Variants in TNNI3K observed in about 807,000 individuals in gnomAD.
TNNI3K encodes the protein serine/threonine-protein kinase TNNI3K.
A neutral mutation model predicts 114.5 loss-of-function variants in TNNI3K; 140 were observed. That is an observed-to-expected ratio of 1.22 (90% CI 1.07 to 1.41). TNNI3K has a LOEUF of 1.41. Among genes scored for constraint, TNNI3K ranks in the 40% most tolerant of loss-of-function variants. The pLI is 0.00. For synonymous variants in TNNI3K, 347 were observed against 347.5 expected (o/e 1.00, Z 0.02); for missense variants, 1,125 against 1,007.6 (o/e 1.12, Z -1.58).
intron 17 of TNNI3K, among the ~76,000 whole-genome samples, chr1:74,420,962 A>G (rs1291729865): frequency 6.6e-6 from 1 of 152,142 alleles, no homozygotes; most frequent in East Asian, 1.9e-4. Flanking sequence ...ATGAGTGAAA[A>G]ATCAGACCTT....
chr1:74,531,918 G>T (rs531165962), intron 23 of TNNI3K, among the ~76,000 whole-genome samples: 1 of 152,294 alleles, frequency 6.6e-6, no homozygotes, highest in East Asian at 1.9e-4. Flanking sequence ...GCCTTAAATG[G>T]TGTTGCCTTA....
chr1:74,482,009 C>T (rs1289651160), intron 21 of TNNI3K, among the ~76,000 whole-genome samples: 2 of 152,324 alleles, frequency 1.3e-5, no homozygotes, highest in Admixed American at 1.3e-4. Context: ...GAACTGTTCT[C>T]ATCCCTGCAG....
At chr1:74,381,008 A>G (rs2100548198) in intron 17 of TNNI3K, among the ~76,000 whole-genome samples, 1 of 152,288 alleles carries the variant, frequency 6.6e-6, no homozygotes, top group South Asian at 2.1e-4. Flanking sequence ...AGCTAGCTAT[A>G]CTTTGAATTT....
chr1:74,417,754 T>C (rs1038547691), intron 17 of TNNI3K, among the ~76,000 whole-genome samples: 2 of 145,098 alleles, frequency 1.4e-5, no homozygotes, highest in African/African-American at 5.2e-5. Flanking sequence ...GAGAGAGAGA[T>C]GAGAGAGAGA....
At chr1:74,305,105 A>G (rs935060719) in intron 5 of TNNI3K, among the ~76,000 whole-genome samples, 1 of 152,206 alleles carries the variant, frequency 6.6e-6, no homozygotes, top group Non-Finnish European at 1.5e-5. Context: ...GACTTTGAGT[A>G]AGAAAAAGAG....
At chr1:74,424,310 T>C (rs1665527972) in intron 17 of TNNI3K, among the ~76,000 whole-genome samples, 3 of 152,118 alleles carry the variant, frequency 2.0e-5, no homozygotes, top group Admixed American at 2.0e-4. Flanking sequence ...ATAGTTTACG[T>C]TGAAAAGGTT....
chr1:74,468,795 A>G (rs1667783835), intron 21 of TNNI3K, among the ~76,000 whole-genome samples: 1 of 152,104 alleles, frequency 6.6e-6, no homozygotes, highest in Non-Finnish European at 1.5e-5. Context: ...TTGTTCCCCT[A>G]CTAAAAAATG....
intron 20 of TNNI3K, among the ~76,000 whole-genome samples, chr1:74,441,238 T>C (rs1570623414): frequency 6.6e-6 from 1 of 152,212 alleles, no homozygotes; most frequent in Admixed American, 6.6e-5. Flanking sequence ...CTGTCTGGGA[T>C]CAATCCACTT....
At chr1:74,380,303 T>G (rs1663133979) in intron 17 of TNNI3K, among the ~76,000 whole-genome samples, 1 of 152,174 alleles carries the variant, frequency 6.6e-6, no homozygotes, top group Non-Finnish European at 1.5e-5. Flanking sequence ...TACTTTTTAT[T>G]TGCTATAAAA....
At chr1:74,396,100 C>T (rs1257338139) in intron 17 of TNNI3K, among the ~76,000 whole-genome samples, 1 of 152,144 alleles carries the variant, frequency 6.6e-6, no homozygotes, top group Non-Finnish European at 1.5e-5. Context: ...ATAGCCTTCT[C>T]TCAATGAAAA....
chr1:74,422,247 T>G (rs766437794), intron 17 of TNNI3K, among the ~76,000 whole-genome samples: 1 of 152,006 alleles, frequency 6.6e-6, no homozygotes, highest in Non-Finnish European at 1.5e-5. Context: ...GTATTTTTTA[T>G]CACTCTGTGA....
At chr1:74,485,315 C>T (rs1668699141) in intron 21 of TNNI3K, among the ~76,000 whole-genome samples, 1 of 152,282 alleles carries the variant, frequency 6.6e-6, no homozygotes, top group Non-Finnish European at 1.5e-5. Context: ...AAGAACAATG[C>T]CCTGCATGGG....
intron 2 of TNNI3K, among the ~76,000 whole-genome samples, chr1:74,236,796 C>T (rs1653884249): frequency 1.3e-5 from 2 of 151,728 alleles, no homozygotes; most frequent in Admixed American, 1.3e-4. Flanking sequence ...TTGGAAGACA[C>T]AAAATGTTCA....
chr1:74,394,017 A>G (rs1189483770), intron 17 of TNNI3K, among the ~76,000 whole-genome samples: 4 of 152,236 alleles, frequency 2.6e-5, no homozygotes, highest in Non-Finnish European at 5.9e-5. Flanking sequence ...TCATACAGCC[A>G]TGGGATAAAA....
At chr1:74,308,165 C>T (rs1658766922) in intron 5 of TNNI3K, among the ~76,000 whole-genome samples, 1 of 152,038 alleles carries the variant, frequency 6.6e-6, no homozygotes, top group South Asian at 2.1e-4. Context: ...ACCAAATGAA[C>T]CTAATAGACA....
intron 21 of TNNI3K, chr1:74,475,580 A>G: frequency 1.4e-6 from 1 of 717,338 alleles, no homozygotes; most frequent in South Asian, 1.5e-5. Context: ...TTTTCCTGTA[A>G]AAGTGGCATT....
chr1:74,381,377 A>G (rs1043276138), intron 17 of TNNI3K, among the ~76,000 whole-genome samples: 2 of 152,198 alleles, frequency 1.3e-5, no homozygotes, highest in Non-Finnish European at 2.9e-5. Flanking sequence ...GAGAAAATAC[A>G]TTAGCATTAT....
At chr1:74,409,269 G>A (rs1390667071) in intron 17 of TNNI3K, among the ~76,000 whole-genome samples, 1 of 151,990 alleles carries the variant, frequency 6.6e-6, no homozygotes, top group Non-Finnish European at 1.5e-5. Flanking sequence ...TAAAGACAGA[G>A]CCCAAACTCC....
At chr1:74,518,176 T>A (rs1169523002) in intron 23 of TNNI3K, among the ~76,000 whole-genome samples, 1 of 152,050 alleles carries the variant, frequency 6.6e-6, no homozygotes, top group Non-Finnish European at 1.5e-5. Flanking sequence ...ATTGGCCCAG[T>A]GGAGTAGATG....
Sources: gnomAD v4.1 joint callset for allele counts (sites outside exome capture counted in the v4.1 genomes callset) on GRCh38, gnomAD v4.1.1 for gene constraint, MANE v1.5 for transcripts, NCBI Gene and HGNC (gene_info 2026-07-23, HGNC 2026-07-21) for gene names.